Variants in DMC1 observed in about 807,000 individuals in gnomAD.
DMC1 encodes DNA meiotic recombinase 1, also known as meiotic recombination protein DMC1 homolog.
A neutral mutation model predicts 50.1 loss-of-function variants in DMC1; 27 were observed. The observed-to-expected ratio is 0.54, with a 90% CI of 0.40 to 0.74. The LOEUF is 0.74. Among genes scored for constraint, DMC1 ranks in the 30% least tolerant of loss-of-function variants. DMC1 has a pLI of 0.00. For synonymous variants in DMC1, 148 were observed against 136.1 expected (o/e 1.09, Z -0.61); for missense variants, 295 against 420.2 (o/e 0.70, Z 2.60).
chr22:38,560,939 A>ATG (rs1369452028), intron 5 of DMC1, among the ~76,000 whole-genome samples: 1 of 152,110 alleles, frequency 6.6e-6, no homozygotes, highest in Non-Finnish European at 1.5e-5. Context: ...AAAGATGAAG[A>ATG]TGAAGACTCT....
At chr22:38,510,022 G>T in the DMC1 span, among the ~76,000 whole-genome samples, 1 of 152,078 alleles carries the variant, frequency 6.6e-6, no homozygotes. Flanking sequence ...GAAATAGTCT[G>T]GCTAACATGA....
chr22:38,525,180 G>C (rs907315903), intron 12 of DMC1, among the ~76,000 whole-genome samples: 5 of 152,136 alleles, frequency 3.3e-5, no homozygotes, highest in African/African-American at 1.2e-4. Flanking sequence ...TCCAGCGCCT[G>C]GAAAAGTGCC....
chr22:38,563,820 C>T lies in DMC1; in HGVS notation c.244-1451G>A, dbSNP rs563521250. ...GTTCACGCCATTCTCCTGACTCAGC[C>T]TCCCGAGTAGCTGGGACTACAGGCG... On this transcript the variant is annotated intron_variant, in intron 4 of 13. Coordinates refer to ENST00000216024, the MANE Select transcript of DMC1 (RefSeq NM_007068.4). Among the ~76,000 whole-genome samples the T allele has an allele frequency of 4.6e-5, 7 of 152,134 alleles. No individual in the cohort carries two copies. In the South Asian group the frequency reaches 1.5e-3, roughly 32 times the overall value.
chr22:38,520,687 G>T (rs1435991422), intron 13 of DMC1, among the ~76,000 whole-genome samples: 1 of 151,786 alleles, frequency 6.6e-6, no homozygotes, highest in Non-Finnish European at 1.5e-5. Flanking sequence ...ATAGTGTCAG[G>T]CATTGTATAG....
intron 8 of DMC1, among the ~76,000 whole-genome samples, chr22:38,547,784 C>T (rs991686803): frequency 3.3e-5 from 5 of 152,130 alleles, no homozygotes; most frequent in African/African-American, 7.2e-5. Context: ...GGTAATCCAC[C>T]CGCCTCAGCC....
intron 4 of DMC1, 95 bp from the exon 5 acceptor site, chr22:38,562,464 T>TC (rs2090537917): frequency 1.2e-6 from 1 of 866,272 alleles, no homozygotes; most frequent in Admixed American, 1.8e-5. Flanking sequence ...GTTATTAAGA[T>TC]CATCATTTGG....
intron 12 of DMC1, among the ~76,000 whole-genome samples, chr22:38,533,153 G>A (rs951642857): frequency 1.4e-4 from 22 of 151,922 alleles, no homozygotes; most frequent in Non-Finnish European, 3.1e-4. Context: ...AGCACTTTGG[G>A]AGGCTGAGGC....
chr22:38,547,213 G>A (rs143312820), intron 8 of DMC1, among the ~76,000 whole-genome samples: 94 of 152,058 alleles, frequency 6.2e-4, no homozygotes, highest in African/African-American at 2.0e-3. Flanking sequence ...AATTTATTTC[G>A]TAGAGACACT....
chr22:38,569,496 G>T (rs1344850282), intron 1 of DMC1: 1 of 152,152 alleles, frequency 6.6e-6, no homozygotes, highest in African/African-American at 2.4e-5. Context: ...GTTCGGATGG[G>T]ATCTTCGGGG....
chr22:38,566,749 G>A lies in DMC1; in HGVS notation c.97-13C>T, dbSNP rs781205491. 4 of 1,613,140 alleles carry A rather than the reference G, an allele frequency of 2.5e-6. No individual in the cohort carries two copies. Among genetic ancestry groups the A allele is most frequent in the Non-Finnish European group, 3.4e-6 (4 of 1,179,442 alleles). On this transcript the variant is annotated splice_polypyrimidine_tract_variant and intron_variant, in intron 3 of 13. Coordinates refer to ENST00000216024, the MANE Select transcript of DMC1 (RefSeq NM_007068.4). ...TGTCAGCCACGTTCTGTAAATTAAA[G>A]AATGGGCACAGCAGACTGATAAGAT... is the stretch of plus-strand genomic sequence containing the variant.
intron 2 of DMC1, among the ~76,000 whole-genome samples, chr22:38,567,898 A>G (rs920834247): frequency 6.6e-6 from 1 of 152,158 alleles, no homozygotes. Context: ...ACTATTTTAA[A>G]TATGTTTTCT....
chr22:38,567,518 C>T, intron 3 of DMC1, 65 bp downstream of exon 3: 1 of 1,331,064 alleles, frequency 7.5e-7, no homozygotes, highest in Non-Finnish European at 1.1e-6. Context: ...GCCCAAATGT[C>T]CATAAGGTTG....
At chr22:38,520,257 C>A (rs1395994598) in intron 13 of DMC1, among the ~76,000 whole-genome samples, 168 bp from the exon 14 acceptor site, 1 of 152,222 alleles carries the variant, frequency 6.6e-6, no homozygotes, top group Non-Finnish European at 1.5e-5. Context: ...TATTAACCCT[C>A]ACAAACATTT....
chr22:38,516,210 C>CT (rs1384193670), downstream of DMC1, among the ~76,000 whole-genome samples: 1 of 152,232 alleles, frequency 6.6e-6, no homozygotes, highest in African/African-American at 2.4e-5. Flanking sequence ...AGTTCACATT[C>CT]TAACACTCAG....
chr22:38,538,668 G>A, intron 9 of DMC1, 56 bp from the exon 10 acceptor site: 1 of 1,437,482 alleles, frequency 7.0e-7, no homozygotes, highest in Non-Finnish European at 9.8e-7. Context: ...CAGAGGCTAA[G>A]ATCATTCATA....
chr22:38,538,346 G>T lies in DMC1; in HGVS notation c.724C>A (p.Arg242=). ...DFSGRGELAE[R]QQKLAQMLSR... Reference sequence around the variant, plus strand: ...AACATCTGGGCCAATTTTTGCTGCCGTTCGGCCAACTCCCCACGGCCACTG... The same window carrying T: ...AACATCTGGGCCAATTTTTGCTGCCTTTCGGCCAACTCCCCACGGCCACTG... The change falls in exon 11 of 14, where the codon CGG becomes AGG. Residue 242 remains arginine (R), a synonymous_variant. Transcript: ENST00000216024. 6.2e-7 allele frequency: 1 copy of T among 1,613,890 alleles called. No homozygotes were observed. Among genetic ancestry groups the T allele is most frequent in the Non-Finnish European group, 8.5e-7 (1 of 1,180,004 alleles).
At chr22:38,512,856 G>C in the DMC1 span, among the ~76,000 whole-genome samples, 3 of 152,210 alleles carry the variant, frequency 2.0e-5, no homozygotes, top group Admixed American at 2.0e-4. Flanking sequence ...GGCCAAGGCG[G>C]GTGGATCACC....
At chr22:38,561,330 C>G (rs1488546206) in intron 5 of DMC1, among the ~76,000 whole-genome samples, 1 of 152,114 alleles carries the variant, frequency 6.6e-6, no homozygotes, top group African/African-American at 2.4e-5. Context: ...TTTTAAATCT[C>G]TTTAATCTAT....
At chr22:38,552,950 C>T (rs913183404) in intron 6 of DMC1, among the ~76,000 whole-genome samples, 4 of 151,414 alleles carry the variant, frequency 2.6e-5, no homozygotes, top group South Asian at 2.1e-4. Context: ...CGGGTTCAAG[C>T]GATTCTCCTG....
Sources: allele counts gnomAD v4.1 joint callset (sites outside exome capture counted in the v4.1 genomes callset), GRCh38; gene constraint gnomAD v4.1.1; transcripts MANE v1.5; gene names NCBI Gene and HGNC (gene_info 2026-07-23, HGNC 2026-07-21).